The following CNTN5 variants were observed in gnomAD, a reference collection of about 807,000 sequenced individuals.
The protein encoded by CNTN5 is contactin 5, also known as contactin-5.
Under a neutral mutation model 129.1 loss-of-function variants are expected in CNTN5, and 77 were observed. The observed-to-expected ratio is 0.60, with a 90% confidence interval of 0.50 to 0.72. CNTN5 has a LOEUF of 0.72. CNTN5 is among the 30% of genes least tolerant of loss of function. The probability of loss-of-function intolerance (pLI) is 0.00; values close to 1 mark genes in which losing one functional copy is unlikely to be tolerated. For synonymous variants in CNTN5, 509 were observed against 465.6 expected (o/e 1.09, Z -1.20); for missense variants, 1,478 against 1,328.8 (o/e 1.11, Z -1.75).
intron 2 of CNTN5, among the ~76,000 whole-genome samples, chr11:99,427,948 T>C (rs1322106163): frequency 6.6e-6 from 1 of 152,048 alleles, no homozygotes; most frequent in East Asian, 1.9e-4. Context: ...TTAGCCAACT[T>C]AATCACGTAA....
At chr11:99,143,326 G>A (rs55962922) in intron 1 of CNTN5, among the ~76,000 whole-genome samples, 1 of 86,356 alleles carries the variant, frequency 1.2e-5, no homozygotes, top group East Asian at 3.4e-4. Flanking sequence ...TTTAAAATAT[G>A]TAATATATAT....
chr11:99,392,001 A>T (rs551975543), intron 2 of CNTN5, among the ~76,000 whole-genome samples: 1 of 152,036 alleles, frequency 6.6e-6, no homozygotes, highest in Admixed American at 6.6e-5. Context: ...AAATACTCAC[A>T]ATGCTGAAAT....
intron 3 of CNTN5, among the ~76,000 whole-genome samples, chr11:99,752,932 G>T (rs1315242722): frequency 6.6e-6 from 1 of 152,048 alleles, no homozygotes; most frequent in African/African-American, 2.4e-5. Flanking sequence ...AATGAAGAGA[G>T]TCTGTAGTTG....
intron 3 of CNTN5, among the ~76,000 whole-genome samples, chr11:99,655,135 T>C (rs1952306278): frequency 6.6e-6 from 1 of 152,034 alleles, no homozygotes; most frequent in South Asian, 2.1e-4. Context: ...TTTGGGGTCT[T>C]CAAAAAATCT....
intron 6 of CNTN5, among the ~76,000 whole-genome samples, chr11:99,914,221 G>A (rs1445771689): frequency 6.6e-6 from 1 of 152,080 alleles, no homozygotes; most frequent in African/African-American, 2.4e-5. Flanking sequence ...GGGCAACAGA[G>A]GGAGGAGGCT....
rs562498689 is a variant in CNTN5 at position 100,158,083 on chromosome 11, GAAAA to G, written c.1581-33042_1581-33039del. Among the ~76,000 whole-genome samples the G allele has an allele frequency of 9.6e-4, 145 of 151,762 alleles. 1 individual carries two copies. Among genetic ancestry groups the G allele is most frequent in the African/African-American group, 3.4e-3 (143 of 41,490 alleles). On this transcript the variant is annotated intron_variant, in intron 13 of 24. Transcript: ENST00000524871. ...AACCATTGAGGAAGACTAATTTTTT[GAAAA>G]TCTGTATTAGAATTAGGAAATTTTG...
rs571938527 is a variant in CNTN5, at chr11:99,918,128, T to G, written c.673+1979T>G. Among the ~76,000 whole-genome samples the G allele has an allele frequency of 2.6e-5, 4 of 152,288 alleles. No homozygotes were observed. The East Asian group carries it at 7.7e-4, about 29-fold the overall frequency. ...TACAAATCATTGATCCTACCCTATT[T>G]TCATTCTACTCCACCTCCTTTGATT... is the stretch of plus-strand genomic sequence containing the variant. On this transcript the variant is annotated intron_variant, in intron 7 of 24. Coordinates refer to ENST00000524871, the MANE Select transcript of CNTN5 (RefSeq NM_014361.4).
At chr11:99,838,202 G>A (rs1947365712) in intron 4 of CNTN5, among the ~76,000 whole-genome samples, 1 of 152,040 alleles carries the variant, frequency 6.6e-6, no homozygotes, top group South Asian at 2.1e-4. Context: ...ATGTATTACT[G>A]GATGTAACCA....
Position 99,089,961 on chromosome 11 carries a change from G to A in CNTN5, c.-210+68691G>A, listed in dbSNP as rs114697035. Among the ~76,000 whole-genome samples, 710 of 152,262 alleles carry A rather than the reference G, an allele frequency of 4.7e-3. 7 individuals carry two copies. Among genetic ancestry groups the A allele is most frequent in the African/African-American group, 0.016 (683 of 41,542 alleles). On this transcript the variant is annotated intron_variant, in intron 1 of 24. Transcript: ENST00000524871. ...TAGCCATTTATTCAGGGAACAGATAGACATTTACTATGGTGAATCTGGAAC... is the reference window on the plus strand; with the variant it reads ...TAGCCATTTATTCAGGGAACAGATAAACATTTACTATGGTGAATCTGGAAC...
intron 1 of CNTN5, among the ~76,000 whole-genome samples, chr11:99,255,806 A>ACACACACACGCACACG (rs1565441896): frequency 1.3e-5 from 2 of 151,176 alleles, no homozygotes; most frequent in Non-Finnish European, 2.9e-5. Context: ...ACACGCACAC[A>ACACACACACGCACACG]CACACACACG....
chr11:99,235,815 G>A (rs564575504), intron 1 of CNTN5, among the ~76,000 whole-genome samples: 6 of 152,282 alleles, frequency 3.9e-5, no homozygotes, highest in African/African-American at 1.4e-4. Context: ...TGGAATGCCA[G>A]CAGAATTTTC....
intron 6 of CNTN5, among the ~76,000 whole-genome samples, chr11:99,903,249 GCATAAGAATTC>G (rs1591391499): frequency 6.6e-6 from 1 of 151,756 alleles, no homozygotes; most frequent in East Asian, 2.0e-4. Context: ...TATGCGAACA[GCATAAGAATTC>G]CTGTAAAGGG....
chr11:99,306,464 A>G (rs577902135), intron 1 of CNTN5, among the ~76,000 whole-genome samples: 1 of 152,336 alleles, frequency 6.6e-6, no homozygotes, highest in African/African-American at 2.4e-5. Context: ...AGAAAATAAA[A>G]TACCTACCAT....
chr11:99,996,169 C>T (rs1260763815), intron 8 of CNTN5, among the ~76,000 whole-genome samples: 3 of 151,906 alleles, frequency 2.0e-5, no homozygotes, highest in East Asian at 1.9e-4. Context: ...CATTGTCTGC[C>T]GAGTTTTGCC....
At chr11:99,915,520 A>C (rs941286089) in intron 6 of CNTN5, among the ~76,000 whole-genome samples, 10 of 151,998 alleles carry the variant, frequency 6.6e-5, no homozygotes, top group Non-Finnish European at 1.3e-4. Flanking sequence ...AAGTCACATA[A>C]CTTTCTTATT....
At chr11:100,084,702 G>A (rs1394241319) in intron 13 of CNTN5, among the ~76,000 whole-genome samples, 1 of 152,036 alleles carries the variant, frequency 6.6e-6, no homozygotes, top group African/African-American at 2.4e-5. Context: ...AGGTAAGTAG[G>A]GAGATAGATT....
chr11:99,177,435 A>G (rs1453298404), intron 1 of CNTN5, among the ~76,000 whole-genome samples: 1 of 152,236 alleles, frequency 6.6e-6, no homozygotes, highest in Non-Finnish European at 1.5e-5. Context: ...ATTTAACGAA[A>G]TAGGGCTATT....
At chr11:100,186,120 G>C (rs1167704993) in intron 13 of CNTN5, among the ~76,000 whole-genome samples, 1 of 152,168 alleles carries the variant, frequency 6.6e-6, no homozygotes, top group Non-Finnish European at 1.5e-5. Flanking sequence ...AGCACTTTGG[G>C]AGGCCAAGAC....
rs183939146 is a variant in CNTN5, at chr11:99,155,716, C to G, written c.-210+134446C>G. Among the ~76,000 whole-genome samples the G allele has an allele frequency of 7.5e-4, 114 of 151,646 alleles. 1 individual carries two copies. Among genetic ancestry groups the G allele is most frequent in the African/African-American group, 2.7e-3 (110 of 41,398 alleles). ...TTGGTAGCAGGCAATAAAAAGACTACTTGCCCTACAAAGTCACAATGATGA... is the reference window on the plus strand; with the variant it reads ...TTGGTAGCAGGCAATAAAAAGACTAGTTGCCCTACAAAGTCACAATGATGA... On this transcript the variant is annotated intron_variant, in intron 1 of 24. Coordinates refer to ENST00000524871, the MANE Select transcript of CNTN5 (RefSeq NM_014361.4).
Sources: allele counts gnomAD v4.1 joint callset (sites outside exome capture counted in the v4.1 genomes callset), GRCh38; gene constraint gnomAD v4.1.1; transcripts MANE v1.5; gene names NCBI Gene and HGNC (gene_info 2026-07-23, HGNC 2026-07-21).